Variants in APP observed in about 807,000 individuals in gnomAD.
APP encodes amyloid-beta precursor protein.
A neutral mutation model predicts 101.4 loss-of-function variants in APP; 31 were observed. The observed-to-expected ratio is 0.31, with a 90% CI of 0.23 to 0.41. The LOEUF (loss-of-function observed/expected upper bound fraction) is 0.41. Ranked by LOEUF, APP falls within the 10% of genes least tolerant of loss-of-function variation. The pLI, the probability that APP is intolerant of heterozygous loss-of-function variation, is 1.00. For missense variants in APP, 839 were observed against 1,003.7 expected (o/e 0.84, Z 2.22); for synonymous variants, 366 against 364.4 (o/e 1.00, Z -0.05).
intron 13 of APP, among the ~76,000 whole-genome samples, chr21:25,926,618 G>C (rs905500634): frequency 2.0e-5 from 3 of 152,166 alleles, no homozygotes; most frequent in Admixed American, 2.0e-4. Flanking sequence ...CTTAAAACTA[G>C]CAAGTGGCAG....
intron 2 of APP, among the ~76,000 whole-genome samples, chr21:26,094,407 G>T (rs2061895714): frequency 6.6e-6 from 1 of 151,670 alleles, no homozygotes. Context: ...AGCTCAGAAA[G>T]CAAACAACGA....
At chr21:26,126,607 T>C (rs1022146328) in intron 1 of APP, among the ~76,000 whole-genome samples, 2 of 152,084 alleles carry the variant, frequency 1.3e-5, no homozygotes, top group African/African-American at 4.8e-5. Flanking sequence ...CAAAGATGAT[T>C]GTCACGACTT....
intron 8 of APP, among the ~76,000 whole-genome samples, chr21:25,990,108 A>AG (rs34082339): frequency 0.3 from 45,802 of 151,996 alleles, 7,668 homozygotes; most frequent in African/African-American, 0.45. Flanking sequence ...AATAACAACA[A>AG]AAGAAAAAAC....
chr21:26,154,692 T>TA (rs1291522745), intron 1 of APP, among the ~76,000 whole-genome samples: 1 of 152,202 alleles, frequency 6.6e-6, no homozygotes, highest in Non-Finnish European at 1.5e-5. Flanking sequence ...GATTAGAAGT[T>TA]AGAGAACAGG....
intron 1 of APP, among the ~76,000 whole-genome samples, chr21:26,140,799 T>G (rs1275397280): frequency 2.6e-5 from 4 of 152,216 alleles, no homozygotes; most frequent in Non-Finnish European, 4.4e-5. Context: ...TCCCTTAAAC[T>G]CAAATAAATT....
In APP at chr21:25,958,466, A is replaced by G. The variant is rs2211770; in HGVS notation, c.1459-2711T>C. ...TAATTTTTTTGTATTTTTAGTAGAG[A>G]CGGGGTTTCGCCATGTTAGCCAGGA... On this transcript the variant is annotated intron_variant, in intron 11 of 17. Coordinates refer to ENST00000346798, the MANE Select transcript of APP (RefSeq NM_000484.4). Among the ~76,000 whole-genome samples, 525 of 152,158 alleles carry G rather than the reference A, an allele frequency of 3.5e-3. 7 individuals are homozygous for G. The highest frequency in any genetic ancestry group is 0.017 in the Middle Eastern group (5 of 294).
At position 25,881,196 on chromosome 21, in the gene APP, A is replaced by G. The variant is rs182834675; in HGVS notation, c.*474T>C. On this transcript the variant is annotated 3_prime_UTR_variant, in exon 18 of 18. Transcript: ENST00000346798. The stretch of plus-strand genomic sequence containing the variant: ...GCATCTGAAATACTTAAAAATGTTT[A>G]ACTTTAAAATGCATAGTGATCAGGA... 5.1e-6 allele frequency: 1 copy of G among 195,338 alleles called. No homozygotes were observed. Among genetic ancestry groups the G allele is most frequent in the African/African-American group, 2.4e-5 (1 of 42,444 alleles). 12.1% of individuals were successfully genotyped at this position (195,338 alleles called of 1,614,324 possible). A position where few individuals can be genotyped will look rare whatever the true frequency, so the allele number is the denominator to read the frequency against.
chr21:25,912,670 C>T (rs770804875), intron 13 of APP, among the ~76,000 whole-genome samples: 10 of 152,132 alleles, frequency 6.6e-5, no homozygotes, highest in African/African-American at 9.7e-5. Context: ...GAGCAGACAC[C>T]AAATATCCTG....
At chr21:26,048,377 C>G (rs930068932) in intron 5 of APP, among the ~76,000 whole-genome samples, 5 of 151,878 alleles carry the variant, frequency 3.3e-5, no homozygotes, top group Non-Finnish European at 7.4e-5. Flanking sequence ...TTAGACAGTT[C>G]TTTGCTAAAA....
chr21:26,059,177 A>T (rs948112863), intron 3 of APP, among the ~76,000 whole-genome samples: 1 of 152,224 alleles, frequency 6.6e-6, no homozygotes, highest in African/African-American at 2.4e-5. Context: ...AATGTAAAAG[A>T]TTCTAGAGCC....
Position 25,880,894 on chromosome 21 carries a change from G to T in APP, c.*776C>A, listed in dbSNP as rs183019783. 211 of 152,838 alleles carry T rather than the reference G, an allele frequency of 1.4e-3. No homozygotes were observed. Among genetic ancestry groups the T allele is most frequent in the African/African-American group, 4.8e-3 (201 of 41,546 alleles). The allele number at this position is 152,838 out of a possible 1,614,324, so 9.5% of individuals were successfully genotyped here. The stretch of plus-strand genomic sequence containing the variant: ...CTGTACAATCATCCTGCAGAAAATT[G>T]TTTTGGAGAATTCTTGGTAATTGAA... On this transcript the variant is annotated 3_prime_UTR_variant, in exon 18 of 18. Transcript: ENST00000346798.
At chr21:25,898,000 T>C (rs1413805284) in intron 15 of APP, 4 of 370,124 alleles carry the variant, frequency 1.1e-5, no homozygotes, top group African/African-American at 2.1e-5. Context: ...CTGGAATATG[T>C]TGGCTTGGCT....
chr21:26,049,061 A>G (rs2045727322), intron 5 of APP, among the ~76,000 whole-genome samples: 1 of 152,214 alleles, frequency 6.6e-6, no homozygotes. Flanking sequence ...ACTTTTCTAC[A>G]GGTAGAATAA....
chr21:26,053,611 C>G, intron 3 of APP: 1 of 349,606 alleles, frequency 2.9e-6, no homozygotes, highest in Non-Finnish European at 5.4e-6. Context: ...GAATTTCTTG[C>G]TTCAAAATTA....
intron 1 of APP, among the ~76,000 whole-genome samples, chr21:26,148,889 T>G (rs2063207412): frequency 1.3e-5 from 2 of 152,246 alleles, no homozygotes; most frequent in South Asian, 4.1e-4. Flanking sequence ...GAAGCTTACA[T>G]CATTTTCTTG....
At chr21:25,948,255 G>A (rs890637868) in intron 13 of APP, among the ~76,000 whole-genome samples, 1 of 151,656 alleles carries the variant, frequency 6.6e-6, no homozygotes, top group Non-Finnish European at 1.5e-5. Flanking sequence ...GTTGGGCTGG[G>A]AAGTGCTATA....
intron 5 of APP, among the ~76,000 whole-genome samples, chr21:26,045,924 T>C (rs1383151730): frequency 2.0e-5 from 3 of 152,028 alleles, no homozygotes; most frequent in Admixed American, 1.3e-4. Context: ...TCCACATGGC[T>C]GGGGAAGCCT....
intron 2 of APP, among the ~76,000 whole-genome samples, chr21:26,099,801 G>T (rs773215718): frequency 8.5e-5 from 13 of 152,244 alleles, no homozygotes; most frequent in Non-Finnish European, 1.9e-4. Context: ...TGCAGCTGAT[G>T]AAACGCTACT....
chr21:25,897,223 C>G (rs1395145328), intron 16 of APP, among the ~76,000 whole-genome samples: 1 of 152,110 alleles, frequency 6.6e-6, no homozygotes, highest in Non-Finnish European at 1.5e-5. Flanking sequence ...AGCAAGTCTC[C>G]TGCGTCAGCC....
Sources: allele counts gnomAD v4.1 joint callset (sites outside exome capture counted in the v4.1 genomes callset), GRCh38; gene constraint gnomAD v4.1.1; transcripts MANE v1.5; gene names NCBI Gene and HGNC (gene_info 2026-07-23, HGNC 2026-07-21).